NMI: variants seen among roughly 807,000 people sequenced by gnomAD.
NMI encodes N-myc and STAT interactor.
Under a neutral mutation model 34.3 loss-of-function variants are expected in NMI, and 39 were observed. That is an observed-to-expected ratio of 1.14 (90% CI 0.88 to 1.49). The LOEUF (loss-of-function observed/expected upper bound fraction) is 1.49. NMI is among the 40% of genes most tolerant of loss of function. NMI has a pLI of 0.00. For synonymous variants in NMI, 113 were observed against 120.3 expected (o/e 0.94, Z 0.40); for missense variants, 339 against 358.1 (o/e 0.95, Z 0.43).
At chr2:151,281,905 G>T in intron 3 of NMI, 43 bp downstream of exon 3, 1 of 938,198 alleles carries the variant, frequency 1.1e-6, no homozygotes, top group Non-Finnish European at 1.7e-6. Flanking sequence ...CAAAAACCAT[G>T]CATCCATCAA....
At position 151,278,363 on chromosome 2, in the gene NMI, C is replaced by T. The variant is rs570776606; in HGVS notation, c.340+465G>A. Reference sequence around the variant, plus strand: ...CTCTTCTCATTCGTTGGCTATGTTCCCTTAGGTAAATCACTTAAACATCCT... The same window carrying T: ...CTCTTCTCATTCGTTGGCTATGTTCTCTTAGGTAAATCACTTAAACATCCT... On this transcript the variant is annotated intron_variant, in intron 4 of 7. Coordinates refer to ENST00000243346, the MANE Select transcript of NMI (RefSeq NM_004688.3). 256 of 154,392 alleles carry T rather than the reference C, an allele frequency of 1.7e-3. 1 individual carries two copies. Among genetic ancestry groups the T allele is most frequent in the Non-Finnish European group, 2.9e-3 (205 of 69,636 alleles). 9.6% of individuals were successfully genotyped at this position (154,392 alleles called of 1,614,324 possible).
chr2:151,276,002 C>T (rs1414855281), intron 4 of NMI, 138 bp from the exon 5 acceptor site: 15 of 615,146 alleles, frequency 2.4e-5, no homozygotes, highest in African/African-American at 1.5e-4. Flanking sequence ...ATTTGGCGGG[C>T]GGTGATTCCA....
intron 1 of NMI, among the ~76,000 whole-genome samples, chr2:151,283,179 C>T (rs1000073841): frequency 2.0e-5 from 3 of 151,384 alleles, no homozygotes; most frequent in East Asian, 1.9e-4. Context: ...CTCTCTCTGT[C>T]GCCCAGGCTG....
At chr2:151,271,974 A>G (rs943987915) in intron 6 of NMI, among the ~76,000 whole-genome samples, 1 of 152,254 alleles carries the variant, frequency 6.6e-6, no homozygotes, top group African/African-American at 2.4e-5. Context: ...CAGTCAATCA[A>G]TGCACAAAGG....
chr2:151,276,515 A>G (rs939466095), intron 4 of NMI, among the ~76,000 whole-genome samples: 5 of 152,318 alleles, frequency 3.3e-5, no homozygotes, highest in Admixed American at 6.5e-5. Context: ...CAGCTCAGCC[A>G]CATACCCTTC....
chr2:151,289,657 A>T lies in NMI; in HGVS notation c.-71T>A, dbSNP rs558041095. ...GCGCCTGCCCTTCCCGGAAAACAGC[A>T]GCGCCTGAAACGCCGGAACCCCGGG... On this transcript the variant is annotated 5_prime_UTR_variant, in exon 1 of 8. Coordinates refer to ENST00000243346, the MANE Select transcript of NMI (RefSeq NM_004688.3). 2 of 152,260 alleles carry T rather than the reference A, an allele frequency of 1.3e-5. No individual in the cohort carries two copies. Among genetic ancestry groups the T allele is most frequent in the Non-Finnish European group, 2.9e-5 (2 of 68,090 alleles). 9.4% of individuals were successfully genotyped at this position (152,260 alleles called of 1,614,324 possible).
chr2:151,281,385 G>A lies in NMI; in HGVS notation c.177+563C>T, dbSNP rs13408667. ...ATTTGCTAATGACCATCTTTTTTTG[G>A]TAAATTTTATTAATTTTTTGTTTTT... On this transcript the variant is annotated intron_variant, in intron 3 of 7. Transcript: ENST00000243346. Among the ~76,000 whole-genome samples, 588 of 152,182 alleles carry A rather than the reference G, an allele frequency of 3.9e-3. 4 individuals are homozygous for A. Among genetic ancestry groups the A allele is most frequent in the African/African-American group, 0.014 (563 of 41,508 alleles).
chr2:151,273,239 C>T (rs1198794085), intron 6 of NMI, among the ~76,000 whole-genome samples: 1 of 151,938 alleles, frequency 6.6e-6, no homozygotes, highest in Non-Finnish European at 1.5e-5. Context: ...GTTTCTTTTT[C>T]TGTAAAATAA....
chr2:151,284,216 G>C (rs913162595), intron 1 of NMI, among the ~76,000 whole-genome samples: 11 of 151,926 alleles, frequency 7.2e-5, no homozygotes, highest in African/African-American at 2.4e-4. Flanking sequence ...AAAATTAGCT[G>C]GGCGTGGTGC....
At chr2:151,271,755 AC>A (rs1167930568) in intron 6 of NMI, 23 bp from the exon 7 acceptor site, 43 of 1,162,154 alleles carry the variant, frequency 3.7e-5, no homozygotes, top group Non-Finnish European at 5.4e-5. Flanking sequence ...CAAAAACAAT[AC>A]TTGTCTTTTT....
At chr2:151,270,927 A>C (rs1380659435) in intron 7 of NMI, 52 bp from the exon 8 acceptor site, 1 of 1,310,218 alleles carries the variant, frequency 7.6e-7, no homozygotes, top group Admixed American at 2.0e-5. Flanking sequence ...TTTGAATTAC[A>C]AAACTTTACA....
intron 2 of NMI, among the ~76,000 whole-genome samples, chr2:151,282,434 C>T (rs12328054): frequency 6.6e-6 from 1 of 152,112 alleles, no homozygotes; most frequent in East Asian, 1.9e-4. Context: ...TATTCTGGGG[C>T]AGTTTGTTGT....
At chr2:151,279,658 A>T (rs1353201921) in intron 3 of NMI, among the ~76,000 whole-genome samples, 1 of 151,882 alleles carries the variant, frequency 6.6e-6, no homozygotes, top group Non-Finnish European at 1.5e-5. Context: ...TGTATTTTGT[A>T]TTTTTAGCAA....
chr2:151,275,888 G>T, intron 4 of NMI, 24 bp from the exon 5 acceptor site: 2 of 1,351,936 alleles, frequency 1.5e-6, no homozygotes, highest in Non-Finnish European at 2.1e-6. Context: ...CAGGAAGGAA[G>T]TATTAATTTC....
At chr2:151,286,810 T>C (rs2105213273) in intron 1 of NMI, among the ~76,000 whole-genome samples, 1 of 152,258 alleles carries the variant, frequency 6.6e-6, no homozygotes, top group South Asian at 2.1e-4. Flanking sequence ...CCTATAATCA[T>C]CCACACTTCC....
chr2:151,287,462 C>T (rs1683523734), intron 1 of NMI, among the ~76,000 whole-genome samples: 7 of 152,072 alleles, frequency 4.6e-5, no homozygotes, highest in Admixed American at 4.6e-4. Context: ...CCTATTTAGT[C>T]AATTCCTCAA....
chr2:151,274,188 CA>C (rs1457830204), intron 6 of NMI, among the ~76,000 whole-genome samples: 4 of 151,130 alleles, frequency 2.6e-5, no homozygotes, highest in Admixed American at 2.6e-4. Context: ...ACCAAAAATA[CA>C]AAAATTAGTC....
chr2:151,271,753 A>C (rs1427065089), intron 6 of NMI, 21 bp from the exon 7 acceptor site: 2 of 1,175,986 alleles, frequency 1.7e-6, no homozygotes, highest in Non-Finnish European at 2.5e-6. Context: ...AACAAAAACA[A>C]TACTTGTCTT....
In NMI at chr2:151,281,999, C is replaced by T; in HGVS notation, c.126G>A (p.Lys42=). The change falls in exon 3 of 8, where the codon AAG becomes AAA. Residue 42 remains lysine (K), a synonymous_variant. Transcript: ENST00000243346. ...ACTCCGTTTCAAGCTTTTGGATCTC[C>T]TTCTTTAGTTGAATATTTTTCTTTG... ...EITKKNIQLK[K]EIQKLETELQ... 1 of 1,560,132 alleles carries T rather than the reference C, an allele frequency of 6.4e-7. No individual in the cohort carries two copies. The highest frequency in any genetic ancestry group is 1.1e-5 in the South Asian group (1 of 88,278).
Sources: allele counts gnomAD v4.1 joint callset (sites outside exome capture counted in the v4.1 genomes callset), GRCh38; gene constraint gnomAD v4.1.1; transcripts MANE v1.5; gene names NCBI Gene and HGNC (gene_info 2026-07-23, HGNC 2026-07-21).